KIF16B: variants seen among roughly 807,000 people sequenced by gnomAD.
The protein encoded by KIF16B is kinesin-like protein KIF16B.
Under a neutral mutation model 156.3 loss-of-function variants are expected in KIF16B, and 98 were observed. That is an observed-to-expected ratio of 0.63 (90% CI 0.53 to 0.74). The LOEUF (loss-of-function observed/expected upper bound fraction) is 0.74. KIF16B is among the 30% of genes least tolerant of loss of function. The pLI is 0.00. For synonymous variants in KIF16B, 564 were observed against 583.7 expected, an observed-to-expected ratio of 0.97 and a Z score of 0.49; for missense variants, 1,421 against 1,606.5, an observed-to-expected ratio of 0.88 and a Z score of 1.97.
chr20:16,551,743 G>A (rs2070674212), intron 1 of KIF16B, among the ~76,000 whole-genome samples: 1 of 152,196 alleles, frequency 6.6e-6, no homozygotes, highest in South Asian at 2.1e-4. Flanking sequence ...TATCATCAGT[G>A]TTCCTTGCAA....
intron 23 of KIF16B, among the ~76,000 whole-genome samples, chr20:16,339,123 G>A (rs1449919763): frequency 1.3e-5 from 2 of 152,114 alleles, no homozygotes; most frequent in Non-Finnish European, 2.9e-5. Context: ...GTGCAGGAGA[G>A]GAGAAAATTG....
At chr20:16,442,494 C>T (rs1354582312) in intron 12 of KIF16B, among the ~76,000 whole-genome samples, 6 of 149,444 alleles carry the variant, frequency 4.0e-5, no homozygotes, top group Non-Finnish European at 4.4e-5. Flanking sequence ...ATAAATCACA[C>T]CTTGAAAAAA....
At chr20:16,390,003 T>C (rs2065325864) in intron 17 of KIF16B, among the ~76,000 whole-genome samples, 2 of 152,194 alleles carry the variant, frequency 1.3e-5, no homozygotes, top group African/African-American at 4.8e-5. Flanking sequence ...TAGGCGGACT[T>C]ACATAAAATT....
chr20:16,469,679 C>T (rs2067603500), intron 12 of KIF16B, among the ~76,000 whole-genome samples: 1 of 151,908 alleles, frequency 6.6e-6, no homozygotes, highest in Non-Finnish European at 1.5e-5. Context: ...AACACAAATG[C>T]TGACAAAAAT....
intron 17 of KIF16B, among the ~76,000 whole-genome samples, chr20:16,404,256 T>C (rs778150593): frequency 3.3e-5 from 5 of 152,196 alleles, no homozygotes; most frequent in African/African-American, 4.8e-5. Flanking sequence ...TTTAGGCATT[T>C]TCATTATCAC....
At chr20:16,318,351 T>A (rs1174394981) in intron 24 of KIF16B, among the ~76,000 whole-genome samples, 1 of 151,882 alleles carries the variant, frequency 6.6e-6, no homozygotes, top group Non-Finnish European at 1.5e-5. Context: ...ATAAAATCCA[T>A]CTCTAAATAG....
chr20:16,505,305 C>T (rs910263873), intron 9 of KIF16B, among the ~76,000 whole-genome samples: 6 of 152,142 alleles, frequency 3.9e-5, no homozygotes, highest in Admixed American at 1.3e-4. Flanking sequence ...ACTGCTGTTA[C>T]CATTATTTGT....
chr20:16,540,997 T>C (rs2070174143), intron 1 of KIF16B, among the ~76,000 whole-genome samples: 1 of 152,136 alleles, frequency 6.6e-6, no homozygotes, highest in South Asian at 2.1e-4. Flanking sequence ...AAGTCTTCAG[T>C]AACACCTGCA....
At chr20:16,386,652 G>A (rs1282283479) in intron 17 of KIF16B, among the ~76,000 whole-genome samples, 1 of 151,762 alleles carries the variant, frequency 6.6e-6, no homozygotes, top group Non-Finnish European at 1.5e-5. Context: ...GAGAGATTGA[G>A]TGAAAAAATG....
At chr20:16,569,244 A>G (rs1205846278) in intron 1 of KIF16B, among the ~76,000 whole-genome samples, 2 of 152,184 alleles carry the variant, frequency 1.3e-5, no homozygotes, top group Non-Finnish European at 1.5e-5. Flanking sequence ...GTATTTTGTT[A>G]GAGCAGTCCA....
chr20:16,525,110 G>T (rs186598480), intron 3 of KIF16B, among the ~76,000 whole-genome samples: 380 of 152,210 alleles, frequency 2.5e-3, no homozygotes, highest in Non-Finnish European at 4.4e-3. Context: ...AACCGCCATG[G>T]CACGTGTATA....
Position 16,378,924 on chromosome 20 carries a change from G to A in KIF16B, c.3078C>T (p.Gly1026=), listed in dbSNP as rs765919559. ...HSALQRHSTL[G]MEIEEQRQKL... ...TCTGCCTCTGCTCTTCAATCTCCAT[G>A]CCCAGGGTGGAGTGCCTCTGCAGCG... is the stretch of plus-strand genomic sequence containing the variant. The change falls in exon 19 of 26, where the codon GGC becomes GGT. Residue 1026 remains glycine, a synonymous_variant. Coordinates refer to ENST00000354981, the MANE Select transcript of KIF16B (RefSeq NM_024704.5). 7.4e-6 allele frequency: 12 copies of A among 1,614,054 alleles called. No individual in the cohort carries two copies. Among genetic ancestry groups the A allele is most frequent in the South Asian group, 5.5e-5 (5 of 91,076 alleles).
rs531703001 is a variant in KIF16B at position 16,314,237 on chromosome 20, T to C, written c.3712-1819A>G. 2.5e-3 allele frequency among the ~76,000 whole-genome samples: 374 copies of C among 152,350 alleles called. 2 individuals carry two copies. In the Middle Eastern group the frequency reaches 0.027, roughly 11 times the overall value. ...TCTGGTTAGTCATTTTTAGGCAGTG[T>C]CTGTTCAACTCTTTTGTCCATTTTT... On this transcript the variant is annotated intron_variant, in intron 24 of 25. Transcript: ENST00000354981.
intron 10 of KIF16B, among the ~76,000 whole-genome samples, chr20:16,501,283 C>A (rs2068614585): frequency 2.1e-5 from 1 of 47,636 alleles, no homozygotes; most frequent in African/African-American, 5.4e-5. Context: ...ATTCTTGGTT[C>A]AATACCAAGA....
chr20:16,546,997 G>A (rs761109762), intron 1 of KIF16B, among the ~76,000 whole-genome samples: 1 of 152,082 alleles, frequency 6.6e-6, no homozygotes, highest in Admixed American at 6.6e-5. Context: ...GGCTGGTCTC[G>A]AACTCCTGAC....
chr20:16,511,297 AAT>A (rs2147053559), intron 6 of KIF16B, 119 bp downstream of exon 6: 1 of 513,580 alleles, frequency 1.9e-6, no homozygotes, highest in African/African-American at 1.9e-5. Context: ...TTCTTACTAT[AAT>A]AAAATTCCAA....
chr20:16,505,740 TAG>T lies in KIF16B; in HGVS notation c.980_981del (p.Ser327Ter). ...WLLKDSLGGN[S>X]KTIMIATISP... ...CTCTTACTGGCAATCATGATAGTTTTAGAGTTTCCTCCAAGGCTATCTTTTAA... is the reference window on the plus strand; with the variant it reads ...CTCTTACTGGCAATCATGATAGTTTTAGTTTCCTCCAAGGCTATCTTTTAA... On this transcript the variant is annotated frameshift_variant, in exon 9 of 26. Coordinates refer to ENST00000354981, the MANE Select transcript of KIF16B (RefSeq NM_024704.5). LOFTEE classifies it high-confidence loss of function. The T allele has an allele frequency of 1.2e-6, 2 of 1,613,744 alleles. No homozygotes were observed. Among genetic ancestry groups the T allele is most frequent in the Non-Finnish European group, 1.7e-6 (2 of 1,179,740 alleles).
At chr20:16,317,619 C>A (rs911673998) in intron 24 of KIF16B, among the ~76,000 whole-genome samples, 11 of 152,192 alleles carry the variant, frequency 7.2e-5, no homozygotes, top group Non-Finnish European at 1.3e-4. Context: ...GATGGTGGAG[C>A]AATGACTCGA....
intron 8 of KIF16B, 69 bp downstream of exon 8, chr20:16,505,953 C>T: frequency 1.2e-6 from 2 of 1,604,986 alleles, no homozygotes; most frequent in Non-Finnish European, 8.5e-7. Flanking sequence ...CCTCAGTTTG[C>T]AACCCAAATA....
Sources: gnomAD v4.1 joint callset for allele counts (sites outside exome capture counted in the v4.1 genomes callset) on GRCh38, gnomAD v4.1.1 for gene constraint, MANE v1.5 for transcripts, NCBI Gene and HGNC (gene_info 2026-07-23, HGNC 2026-07-21) for gene names.